Variants in EBF3 observed in about 807,000 individuals in gnomAD.
The protein encoded by EBF3 is transcription factor COE3.
EBF3 carries 18 observed loss-of-function variants against 77.1 expected under a neutral mutation model. That is an observed-to-expected ratio of 0.23 (90% CI 0.16 to 0.35). The LOEUF (loss-of-function observed/expected upper bound fraction) is 0.35. Ranked by LOEUF, EBF3 falls within the 10% of genes least tolerant of loss-of-function variation. EBF3 has a pLI of 1.00. For synonymous variants in EBF3, 350 were observed against 343.5 expected, an observed-to-expected ratio of 1.02 and a Z score of -0.21; for missense variants, 558 against 860.0, an observed-to-expected ratio of 0.65 and a Z score of 4.39.
chr10:129,868,651 G>C (rs995376722), intron 8 of EBF3, among the ~76,000 whole-genome samples: 17 of 152,224 alleles, frequency 1.1e-4, no homozygotes, highest in Non-Finnish European at 2.2e-4. Flanking sequence ...GAGGGTGCAG[G>C]GGGGAGGGGA....
chr10:129,898,350 G>A (rs1854539665), intron 6 of EBF3, among the ~76,000 whole-genome samples: 1 of 152,226 alleles, frequency 6.6e-6, no homozygotes, highest in Admixed American at 6.5e-5. Context: ...GCAGGAGACT[G>A]CAGGCAAAGT....
chr10:129,879,328 T>C lies in EBF3; in HGVS notation c.555-1479A>G, dbSNP rs1045661780. 6.6e-6 allele frequency among the ~76,000 whole-genome samples: 1 copy of C among 152,180 alleles called. No homozygotes were observed. The highest frequency in any genetic ancestry group is 2.4e-5 in the African/African-American group (1 of 41,434). On this transcript the variant is annotated intron_variant, in intron 6 of 16. Transcript: ENST00000440978. This position sits in a 1 kb window ranked among gnomAD's most constrained non-coding sequence, Gnocchi z 4.7. ...TCCAGCAAGGTCATCAACACAAACC[T>C]TTCTCTACTTCCTCCCAAAATATCA...
intron 6 of EBF3, among the ~76,000 whole-genome samples, chr10:129,884,711 T>C (rs1178550603): frequency 6.6e-6 from 1 of 152,074 alleles, no homozygotes; most frequent in Non-Finnish European, 1.5e-5. Context: ...CAACTGGGAG[T>C]ACCTGGCCTG....
rs991244312 is a variant in EBF3, at chr10:129,864,530, C to T, written c.1039+2611G>A. 7.2e-5 allele frequency among the ~76,000 whole-genome samples: 11 copies of T among 152,196 alleles called. No individual in the cohort carries two copies. Among genetic ancestry groups the T allele is most frequent in the African/African-American group, 2.7e-4 (11 of 41,452 alleles). ...AACAATAGCTGTGCAGACTTCCCCA[C>T]CAAAAAGCCCACATATGCAAAGATC... is the stretch of plus-strand genomic sequence containing the variant. On this transcript the variant is annotated intron_variant, in intron 10 of 16. Transcript: ENST00000440978. This position sits in a 1 kb window ranked among gnomAD's most constrained non-coding sequence, Gnocchi z 4.4.
At chr10:129,936,476 G>T (rs1356010570) in intron 6 of EBF3, among the ~76,000 whole-genome samples, 1 of 152,222 alleles carries the variant, frequency 6.6e-6, no homozygotes, top group Non-Finnish European at 1.5e-5. Context: ...GGCCTGTCAG[G>T]GGACCCTCGG....
At chr10:129,890,376 C>A (rs541322782) in intron 6 of EBF3, among the ~76,000 whole-genome samples, 5 of 152,188 alleles carry the variant, frequency 3.3e-5, no homozygotes, top group Non-Finnish European at 7.3e-5. Flanking sequence ...TGTTGCTGCA[C>A]CAGGATCCCC....
In EBF3 at chr10:129,848,532, A is replaced by G; in HGVS notation, c.1040-52T>C. The G allele has an allele frequency of 6.3e-7, 1 of 1,582,704 alleles. No individual in the cohort carries two copies. ...CAGGTTAATTACTTTTATGTCATCCATTACTCGTTTATTGCACACTTACAA... is the reference window on the plus strand; with the variant it reads ...CAGGTTAATTACTTTTATGTCATCCGTTACTCGTTTATTGCACACTTACAA... On this transcript the variant is annotated intron_variant, in intron 10 of 16. Coordinates refer to ENST00000440978, the MANE Select transcript of EBF3 (RefSeq NM_001375380.1). This position sits in a 1 kb window ranked among gnomAD's most constrained non-coding sequence, Gnocchi z 4.4.
At chr10:129,920,459 G>C (rs1328369013) in intron 6 of EBF3, among the ~76,000 whole-genome samples, 2 of 152,186 alleles carry the variant, frequency 1.3e-5, no homozygotes, top group Non-Finnish European at 2.9e-5. Flanking sequence ...CACCAAGGGC[G>C]GGGGCGGCAC....
intron 6 of EBF3, among the ~76,000 whole-genome samples, chr10:129,930,440 T>C (rs1277908250): frequency 6.6e-6 from 1 of 150,542 alleles, no homozygotes; most frequent in Non-Finnish European, 1.5e-5. Flanking sequence ...CTCTCATATA[T>C]CTGTATCTAT....
chr10:129,856,274 C>T (rs1851245191), intron 10 of EBF3, among the ~76,000 whole-genome samples: 1 of 151,196 alleles, frequency 6.6e-6, no homozygotes, highest in South Asian at 2.1e-4. Context: ...TCCATATGTT[C>T]ACAAAAAAAA....
intron 6 of EBF3, among the ~76,000 whole-genome samples, chr10:129,931,091 T>C (rs1856998630): frequency 6.6e-6 from 1 of 152,160 alleles, no homozygotes; most frequent in Non-Finnish European, 1.5e-5. Flanking sequence ...TATCTATCTC[T>C]ATATTAACAA....
chr10:129,886,854 C>A (rs924720067), intron 6 of EBF3, among the ~76,000 whole-genome samples: 1 of 152,018 alleles, frequency 6.6e-6, no homozygotes, highest in Non-Finnish European at 1.5e-5. Context: ...TCCTTCTAAC[C>A]GCTCCTCTCC....
At chr10:129,909,242 C>T (rs528763296) in intron 6 of EBF3, among the ~76,000 whole-genome samples, 6 of 152,372 alleles carry the variant, frequency 3.9e-5, no homozygotes, top group Admixed American at 3.9e-4. Context: ...AGGCCCTCTG[C>T]ATGGGTCTCT....
chr10:129,949,579 C>G (rs887991038), intron 6 of EBF3, among the ~76,000 whole-genome samples: 2 of 152,198 alleles, frequency 1.3e-5, no homozygotes, highest in Admixed American at 1.3e-4. Flanking sequence ...TCCCCACATG[C>G]ACGCCTGGGG....
At chr10:129,892,867 A>C (rs1854118733) in intron 6 of EBF3, among the ~76,000 whole-genome samples, 1 of 152,264 alleles carries the variant, frequency 6.6e-6, no homozygotes, top group Non-Finnish European at 1.5e-5. Context: ...GAACGTCGCC[A>C]TCAAATCATA....
chr10:129,902,406 G>A (rs914474200), intron 6 of EBF3, among the ~76,000 whole-genome samples: 10 of 151,894 alleles, frequency 6.6e-5, no homozygotes, highest in East Asian at 5.8e-4. Context: ...CTGGGTGCAC[G>A]GGCGTCTTTC....
rs1156763075 is a variant in EBF3, at chr10:129,840,495, C to G, written c.1562-53G>C. The G allele has an allele frequency of 2.7e-5, 41 of 1,525,722 alleles. No homozygotes were observed. The Admixed American group carries it at 7.6e-4, about 28-fold the overall frequency. The allele number at this position is 1,525,722 out of a possible 1,614,324, so 94.5% of individuals were successfully genotyped here. A position where few individuals can be genotyped will look rare whatever the true frequency, so the allele number is the denominator to read the frequency against. On this transcript the variant is annotated intron_variant, in intron 14 of 16. Coordinates refer to ENST00000440978, the MANE Select transcript of EBF3 (RefSeq NM_001375380.1). ...GCGCGGCCGCGGCACAGCGCCACGG[C>G]GAGAGGGCACCAAAGGCCTCGCCTC...
chr10:129,868,930 G>A lies in EBF3; in HGVS notation c.782-1018C>T, dbSNP rs568548007. ...GGAGCCTGTCACCTGCAGGGCTTCC[G>A]CAGCCCGGGCCAGGACACTATCCTC... is the stretch of plus-strand genomic sequence containing the variant. On this transcript the variant is annotated intron_variant, in intron 8 of 16. Transcript: ENST00000440978. Among the ~76,000 whole-genome samples, 5 of 152,300 alleles carry A rather than the reference G, an allele frequency of 3.3e-5. No individual in the cohort carries two copies. The South Asian group carries it at 6.2e-4, about 19-fold the overall frequency.
At chr10:129,862,122 C>T (rs1357522001) in intron 10 of EBF3, among the ~76,000 whole-genome samples, 1 of 152,192 alleles carries the variant, frequency 6.6e-6, no homozygotes, top group Non-Finnish European at 1.5e-5. Context: ...CGCCCCTTGA[C>T]ACACTGCCAG....
Sources: allele counts gnomAD v4.1 joint callset (sites outside exome capture counted in the v4.1 genomes callset), GRCh38; gene constraint gnomAD v4.1.1; non-coding constraint Gnocchi (gnomAD v3.1); transcripts MANE v1.5; gene names NCBI Gene and HGNC (gene_info 2026-07-23, HGNC 2026-07-21).